The following HCFC1 variants were observed in gnomAD, a reference collection of about 807,000 sequenced individuals.
HCFC1 encodes host cell factor C1, also known as host cell factor 1.
In HCFC1, 7 loss-of-function variants were observed where a neutral mutation model predicts 105.5. That is an observed-to-expected ratio of 0.07 (90% confidence interval 0.04 to 0.12). The LOEUF (loss-of-function observed/expected upper bound fraction) is 0.12, where lower values mean the gene tolerates loss of function less well. Ranked by LOEUF, HCFC1 falls within the 10% of genes least tolerant of loss-of-function variation. The pLI is 1.00. For missense variants in HCFC1, 1,065 were observed against 1,823.6 expected (o/e 0.58, Z 7.58); for synonymous variants, 918 against 828.1 (o/e 1.11, Z -1.86).
chrX:153,964,459 AGC>A, intron 2 of HCFC1, 117 bp downstream of exon 2: 1 of 932,438 alleles, frequency 1.1e-6, no homozygotes, highest in African/African-American at 2.0e-5. Context: ...CCAAGTTCAG[AGC>A]AGCCTTGGCA....
intron 4 of HCFC1, among the ~76,000 whole-genome samples, 191 bp from the exon 5 acceptor site, chrX:153,962,497 C>T (rs960965042): frequency 6.2e-5 from 7 of 112,275 alleles, no homozygotes; most frequent in African/African-American, 1.9e-4. Context: ...CAGGCGGTTT[C>T]GACCAGGCTA....
Position 153,950,963 on chromosome X carries a change from C to A in HCFC1, c.5553G>T (p.Leu1851=), listed in dbSNP as rs781847001. The change falls in exon 23 of 26, where the codon CTG becomes CTT. Residue 1851 remains leucine (L), a synonymous_variant. Transcript: ENST00000310441. ...DLGTVPDYNQ[L]KKQELQPGTA... The stretch of plus-strand genomic sequence containing the variant: ...TGCCTGGCTGCAGCTCCTGCTTCTT[C>A]AGCTGGTTATAGTCAGGGACGGTGC... 21 of 1,209,782 alleles carry A rather than the reference C, an allele frequency of 1.7e-5. No individual in the cohort carries two copies. In the South Asian group the frequency reaches 3.5e-4, roughly 20 times the overall value.
chrX:153,963,117 A>G, intron 4 of HCFC1, 108 bp downstream of exon 4: 1 of 582,636 alleles, frequency 1.7e-6, no homozygotes. Flanking sequence ...GGTATGCTCC[A>G]GCTCCCTAAG....
Position 153,964,664 on chromosome X carries a change from C to T in HCFC1, c.256G>A (p.Gly86Ser). Residue 86 changes from glycine to serine, a missense_variant, in exon 2 of 26, where the codon GGC becomes AGC. Physicochemically the swap from Gly to Ser is moderately conservative, Grantham distance 56. Around this residue, in one of 17 missense-constraint regions of HCFC1, gnomAD observed 38 missense variants for 190.1 expected, o/e 0.20. Transcript: ENST00000310441. Reference protein sequence around the residue: ...GDIPPGCAAYGFVCDGTRLLV... With the variant: ...GDIPPGCAAYSFVCDGTRLLV... ...AGGCGAGTCCCGTCACACACGAAGC[C>T]ATAGGCTGCACACCCAGGGGGAATG... 1 of 1,202,757 alleles carries T rather than the reference C, an allele frequency of 8.3e-7. No homozygotes were observed. Among genetic ancestry groups the T allele is most frequent in the Non-Finnish European group, 1.1e-6 (1 of 890,874 alleles).
rs782341890 is a variant in HCFC1 at position 153,957,380 on chromosome X, G to A, written c.2287C>T (p.Pro763Ser). The A allele has an allele frequency of 4.0e-5, 48 of 1,206,607 alleles. No homozygotes were observed. The highest frequency in any genetic ancestry group is 5.3e-5 in the Non-Finnish European group (47 of 892,909). Residue 763 changes from proline (P) to serine (S), a missense_variant, in exon 13 of 26, where the codon CCC becomes TCC. Coordinates refer to ENST00000310441, the MANE Select transcript of HCFC1 (RefSeq NM_005334.3). ...ISSVSPSTTKPGTTTIIKTIP... is the reference protein window; with the variant it reads ...ISSVSPSTTKSGTTTIIKTIP... ...GTTTTGATGATGGTGGTCGTGCCGG[G>A]CTTGGTGGTACTGGGGGAGACGCTG...
rs370256297 is a variant in HCFC1, at chrX:153,954,453, C to T, written c.3946G>A (p.Val1316Met). The change falls in exon 17 of 26, where the codon GTG becomes ATG. Residue 1316 changes from valine to methionine, a missense_variant. By Grantham distance (21) the Val-to-Met change is conservative (BLOSUM62 1). Transcript: ENST00000310441. Reference sequence around the variant, plus strand: ...GTCTCGCATGGCGGGTTGGAGCACACCCTCTGGGCGCTGCCTGCATTCGAG... The same window carrying T: ...GTCTCGCATGGCGGGTTGGAGCACATCCTCTGGGCGCTGCCTGCATTCGAG... ...TTSNAGSAQR[V>M]CSNPPCETHE... is the part of the protein sequence containing the mutation. 8.3e-6 allele frequency: 10 copies of T among 1,209,613 alleles called. No homozygotes were observed. Among genetic ancestry groups the T allele is most frequent in the African/African-American group, 1.8e-5 (1 of 57,019 alleles).
chrX:153,971,658 A>C lies in HCFC1; in HGVS notation c.-818T>G, dbSNP rs1375995726. 3 of 294,658 alleles carry C rather than the reference A, an allele frequency of 1.0e-5. No homozygotes were observed. Among genetic ancestry groups the C allele is most frequent in the African/African-American group, 8.3e-5 (3 of 36,328 alleles). The allele number at this position is 294,658 out of a possible 1,213,427, so 24.3% of individuals were successfully genotyped here. A position where few individuals can be genotyped will look rare whatever the true frequency, so the allele number is the denominator to read the frequency against. ...GGTCAGTTCTTCCACTGCACACCAA[A>C]CTCAAGGCGGTGTCCGATCCTCACT... On this transcript the variant is annotated 5_prime_UTR_variant, in exon 1 of 26. Transcript: ENST00000310441.
chrX:153,959,839 G>A lies in HCFC1; in HGVS notation c.1407C>T (p.Gly469=), dbSNP rs200268397. The part of the protein sequence containing the change: ...TTIQVLPTVP[G]SSISVPTAAR... ...CTGCGGTGGGCACAGAAATGGAGCT[G>A]CCAGGCACCGTTGGCAAGACCTGGA... Residue 469 remains glycine, a synonymous_variant, in exon 8 of 26, where the codon GGC becomes GGT. Transcript: ENST00000310441. 3.4e-5 allele frequency: 40 copies of A among 1,181,761 alleles called. No individual in the cohort carries two copies. Among genetic ancestry groups the A allele is most frequent in the Non-Finnish European group, 4.6e-5 (40 of 878,886 alleles).
chrX:153,956,720 C>T lies in HCFC1; in HGVS notation c.2540G>A (p.Arg847His), dbSNP rs782478294. The part of the protein sequence containing the change: ...GAPGQPGTIL[R>H]TVPMGGVRLV... The stretch of plus-strand genomic sequence containing the variant: ...GCGAACACCCCCCATGGGCACAGTG[C>T]GGAGGATGGTGCCTGGCTGTCCCGG... Residue 847 changes from arginine to histidine, a missense_variant, in exon 15 of 26, where the codon CGC becomes CAC. Arg to His is a conservative substitution (Grantham distance 29, BLOSUM62 0). Transcript: ENST00000310441. 1.7e-6 allele frequency: 2 copies of T among 1,211,385 alleles called. No individual in the cohort carries two copies. Among genetic ancestry groups the T allele is most frequent in the Non-Finnish European group, 1.1e-6 (1 of 895,420 alleles).
chrX:153,953,512 T>G (rs1335245986), intron 18 of HCFC1, 95 bp downstream of exon 18: 1 of 927,947 alleles, frequency 1.1e-6, no homozygotes, highest in African/African-American at 1.9e-5. Context: ...AGCGGCCCCA[T>G]GCCTGGTACA....
At position 153,954,881 on chromosome X, in the gene HCFC1, G is replaced by A. The variant is rs782596644; in HGVS notation, c.3518C>T (p.Ala1173Val). 18 of 1,157,024 alleles carry A rather than the reference G, an allele frequency of 1.6e-5. No homozygotes were observed. In the South Asian group the frequency reaches 2.3e-4, roughly 15 times the overall value. Residue 1173 changes from alanine to valine, a missense_variant, in exon 17 of 26, where the codon GCG becomes GTG. Coordinates refer to ENST00000310441, the MANE Select transcript of HCFC1 (RefSeq NM_005334.3). The part of the protein sequence containing the change: ...KSQCQTRQTS[A>V]TSTTMTVMAT... ...CATCACAGTCATGGTGGTGCTGGTC[G>A]CGCTGGTCTGGCGGGTTTGGCACTG...
chrX:153,950,192 C>T (rs781880267), intron 24 of HCFC1, 51 bp downstream of exon 24: 15 of 1,083,982 alleles, frequency 1.4e-5, no homozygotes, highest in South Asian at 1.1e-4. Context: ...CTGCTGCACC[C>T]GGCTTCCTGG....
At chrX:153,964,041 A>G in intron 3 of HCFC1, 83 bp downstream of exon 3, 1 of 879,547 alleles carries the variant, frequency 1.1e-6, no homozygotes, top group Non-Finnish European at 1.6e-6. Context: ...TCTGCTGCGC[A>G]CATTCTTTAG....
In HCFC1 at chrX:153,952,829, G is replaced by A; in HGVS notation, c.4627C>T (p.Leu1543Phe). 1 of 1,195,622 alleles carries A rather than the reference G, an allele frequency of 8.4e-7. No individual in the cohort carries two copies. The highest frequency in any genetic ancestry group is 1.1e-6 in the Non-Finnish European group (1 of 887,568). ...EVLSASQTPE[L>F]PAAVDLSSTG... ...CTGCTCAGATCCACGGCGGCCGGGA[G>A]CTCAGGGGTCTGGGAGGCTGACAGG... Residue 1543 changes from leucine to phenylalanine, a missense_variant, in exon 19 of 26, where the codon CTC (leucine) becomes TTC (phenylalanine). This residue lies in a region of HCFC1 where 546 missense variants were observed against 599.9 expected (regional missense o/e 0.91). Coordinates refer to ENST00000310441, the MANE Select transcript of HCFC1 (RefSeq NM_005334.3).
Position 153,947,971 on chromosome X carries a change from G to C in HCFC1, c.*1376C>G, listed in dbSNP as rs781969361. ...ATCCCCCAGCCTCGGAGCCTGGCCT[G>C]AGTTCCATGCTGCACAGCTGCTGCT... On this transcript the variant is annotated 3_prime_UTR_variant, in exon 26 of 26. Transcript: ENST00000310441. The C allele has an allele frequency of 8.9e-6, 1 of 111,886 alleles. No individual in the cohort carries two copies. Among genetic ancestry groups the C allele is most frequent in the Non-Finnish European group, 1.9e-5 (1 of 53,098 alleles). The allele number at this position is 111,886 out of a possible 1,213,427, so 9.2% of individuals were successfully genotyped here.
At chrX:153,953,179 C>A (rs1352097544) in intron 18 of HCFC1, 1 of 445,827 alleles carries the variant, frequency 2.2e-6, no homozygotes, top group African/African-American at 2.5e-5. Flanking sequence ...CCTCACCTTT[C>A]CTTGTGGGCC....
rs1461037956 is a variant in HCFC1 at position 153,964,091 on chromosome X, C to G, written c.503+33G>C. 8 of 1,165,939 alleles carry G rather than the reference C, an allele frequency of 6.9e-6. No individual in the cohort carries two copies. The Middle Eastern group carries it at 1.4e-3, about 209-fold the overall frequency. On this transcript the variant is annotated intron_variant, in intron 3 of 25. Coordinates refer to ENST00000310441, the MANE Select transcript of HCFC1 (RefSeq NM_005334.3). ...CTGTGCATGTGAGAGCACACCCACC[C>G]GGGGGGTTCCAGAGAAAAGGACCAA...
chrX:153,958,031 A>G lies in HCFC1; in HGVS notation c.2022T>C (p.Ser674=). 1 of 1,208,002 alleles carries G rather than the reference A, an allele frequency of 8.3e-7. No homozygotes were observed. The highest frequency in any genetic ancestry group is 1.1e-6 in the Non-Finnish European group (1 of 891,993). Residue 674 remains serine, a synonymous_variant, in exon 11 of 26, where the codon AGT becomes AGC. Transcript: ENST00000310441. ...VKSPISVPGG[S]ALISNLGKVM... ...GGCAGCACCCATCACTCACCAGAGC[A>G]CTGCCTCCTGGGACAGAGATGGGGC...
At position 153,953,785 on chromosome X, in the gene HCFC1, G is replaced by C; in HGVS notation, c.4334-15C>G. 1 of 1,192,828 alleles carries C rather than the reference G, an allele frequency of 8.4e-7. No homozygotes were observed. ...AGGTGGGGGGTCTGTGGGGGCGACA[G>C]GCAGGCGGCTGCTCAGCAGGAGCCC... On this transcript the variant is annotated splice_polypyrimidine_tract_variant and intron_variant, in intron 17 of 25. Coordinates refer to ENST00000310441, the MANE Select transcript of HCFC1 (RefSeq NM_005334.3).
Sources: allele counts gnomAD v4.1 joint callset (sites outside exome capture counted in the v4.1 genomes callset), GRCh38; gene constraint gnomAD v4.1.1; regional missense constraint gnomAD v4.1.1; transcripts MANE v1.5; gene names NCBI Gene and HGNC (gene_info 2026-07-23, HGNC 2026-07-21).